The following STAP2 variants were observed in gnomAD, a reference collection of about 807,000 sequenced individuals.
The protein encoded by STAP2 is signal transducing adaptor family member 2.
In STAP2, 58 loss-of-function variants were observed where a neutral mutation model predicts 52.7. The observed-to-expected ratio is 1.10, with a 90% confidence interval of 0.89 to 1.37. The LOEUF is 1.37. STAP2 is among the 40% of genes most tolerant of loss of function. The pLI is 0.00. For synonymous variants in STAP2, 231 were observed against 210.5 expected, an observed-to-expected ratio of 1.10 and a Z score of -0.84; for missense variants, 522 against 519.4, an observed-to-expected ratio of 1.00 and a Z score of -0.05.
Position 4,327,300 on chromosome 19 carries a change from C to G in STAP2, c.660+16G>C. ...CCCCACAAAGTCACTTCTAGGGACTCTGGCCCAACGCTCACCGGCTGTTCC... is the reference window on the plus strand; with the variant it reads ...CCCCACAAAGTCACTTCTAGGGACTGTGGCCCAACGCTCACCGGCTGTTCC... On this transcript the variant is annotated intron_variant, in intron 7 of 12. Transcript: ENST00000594605. 1 of 1,614,174 alleles carries G rather than the reference C, an allele frequency of 6.2e-7. No homozygotes were observed. The highest frequency in any genetic ancestry group is 1.3e-5 in the African/African-American group (1 of 75,048).
chr19:4,331,906 T>G (rs1264083955), intron 4 of STAP2, 116 bp downstream of exon 4: 2 of 1,087,488 alleles, frequency 1.8e-6, no homozygotes, highest in Non-Finnish European at 2.7e-6. Flanking sequence ...CACTCCAGCC[T>G]GGGCGACAGA....
In STAP2 at chr19:4,327,118, A is replaced by T; in HGVS notation, c.763+6T>A. ...GGGCCCCCGAACTCCCCGAAGGGGC[A>T]CCCACCTAGCACCTTCTCGTAGTCC... On this transcript the variant is annotated splice_donor_region_variant and intron_variant, in intron 8 of 12. Transcript: ENST00000594605. The T allele has an allele frequency of 6.2e-7, 1 of 1,614,090 alleles. No individual in the cohort carries two copies. The highest frequency in any genetic ancestry group is 8.5e-7 in the Non-Finnish European group (1 of 1,179,978).
Position 4,330,027 on chromosome 19 carries a change from C to G in STAP2, c.389G>C (p.Gly130Ala), listed in dbSNP as rs1301882455. The G allele has an allele frequency of 5.0e-6, 8 of 1,613,580 alleles. No homozygotes were observed. The South Asian group carries it at 8.8e-5, about 18-fold the overall frequency. Residue 130 changes from glycine (G) to alanine (A), a missense_variant, in exon 5 of 13, where the codon GGG becomes GCG. Coordinates refer to ENST00000594605, the MANE Select transcript of STAP2 (RefSeq NM_001013841.2). ...GACTTCAGACATCATGTATAGGTGC[C>G]CAGGAAGCAGGGTCAAGTCGGTCGG... is the stretch of plus-strand genomic sequence containing the variant. Reference protein sequence around the residue: ...RVPTDLTLLPGHLYMMSEVLA... With the variant: ...RVPTDLTLLPAHLYMMSEVLA...
chr19:4,328,660 G>C lies in STAP2; in HGVS notation c.590+15C>G, dbSNP rs1568385818. The C allele has an allele frequency of 4.4e-6, 6 of 1,363,224 alleles. No individual in the cohort carries two copies. Among genetic ancestry groups the C allele is most frequent in the African/African-American group, 1.5e-5 (1 of 67,452 alleles). 84.4% of individuals were successfully genotyped at this position (1,363,224 alleles called of 1,614,324 possible). ...CCCTCCTCCCACCCAGGGCTCTCCA[G>C]ACGCGCATGCGCACCCGTTGTGCAT... On this transcript the variant is annotated intron_variant, in intron 6 of 12. Coordinates refer to ENST00000594605, the MANE Select transcript of STAP2 (RefSeq NM_001013841.2).
Position 4,338,763 on chromosome 19 carries a change from A to T in STAP2, c.-10T>A. The T allele has an allele frequency of 1.2e-6, 2 of 1,608,394 alleles. No individual in the cohort carries two copies. The highest frequency in any genetic ancestry group is 1.7e-6 in the Non-Finnish European group (2 of 1,176,794). ...TCAGGGCAGAGGCCATGACGGAGCC[A>T]GGGTCTTCCGCCTGGCCTCTCCTTC... On this transcript the variant is annotated 5_prime_UTR_variant, in exon 1 of 13. Transcript: ENST00000594605.
At chr19:4,338,564 C>CAA in intron 1 of STAP2, 88 bp downstream of exon 1, 2 of 857,368 alleles carry the variant, frequency 2.3e-6, no homozygotes, top group East Asian at 4.9e-5. Flanking sequence ...CCCGCCCCCC[C>CAA]TTGGCGAGTG....
rs937141211 is a variant in STAP2 at position 4,335,716 on chromosome 19, G to A, written c.103-1672C>T. Among the ~76,000 whole-genome samples, 5 of 152,184 alleles carry A rather than the reference G, an allele frequency of 3.3e-5. No homozygotes were observed. The South Asian group carries it at 1.0e-3, about 31-fold the overall frequency. ...GTACCCACGATGTGCTGTTGGGCAA[G>A]TTATTTGAGCTGTCTTTGTCTGTTT... On this transcript the variant is annotated intron_variant, in intron 1 of 12. Coordinates refer to ENST00000594605, the MANE Select transcript of STAP2 (RefSeq NM_001013841.2).
intron 1 of STAP2, among the ~76,000 whole-genome samples, chr19:4,337,711 T>C (rs1972002087): frequency 6.6e-6 from 1 of 151,940 alleles, no homozygotes; most frequent in African/African-American, 2.4e-5. Context: ...GGTGTGGTGG[T>C]GCGTACCTGT....
At chr19:4,334,487 TCATCCATC>T (rs1287474531) in intron 1 of STAP2, among the ~76,000 whole-genome samples, 1 of 150,966 alleles carries the variant, frequency 6.6e-6, no homozygotes, top group Non-Finnish European at 1.5e-5. Flanking sequence ...ATTCACCCAT[TCATCCATC>T]CATCCATCTG....
chr19:4,330,202 G>C (rs1396223052), intron 4 of STAP2, 141 bp from the exon 5 acceptor site: 1 of 662,110 alleles, frequency 1.5e-6, no homozygotes, highest in Non-Finnish European at 2.7e-6. Flanking sequence ...GGCTTCGAGA[G>C]GGTTGCAGAG....
chr19:4,327,404 AG>A lies in STAP2; in HGVS notation c.591-20del, dbSNP rs763188541. The stretch of plus-strand genomic sequence containing the variant: ...GTGCGTCCTGCACCAGGAGAAAGCG[AG>A]TGAGTGGCTCAGCCCAGGCTCCCAC... On this transcript the variant is annotated intron_variant, in intron 6 of 12. Coordinates refer to ENST00000594605, the MANE Select transcript of STAP2 (RefSeq NM_001013841.2). 3.7e-6 allele frequency: 6 copies of A among 1,613,860 alleles called. No homozygotes were observed. The Admixed American group carries it at 5.0e-5, about 13-fold the overall frequency.
chr19:4,334,143 T>G, intron 1 of STAP2, 99 bp from the exon 2 acceptor site: 1 of 969,488 alleles, frequency 1.0e-6, no homozygotes, highest in Non-Finnish European at 1.5e-6. Context: ...GGTTGTGCTC[T>G]CTGCCCCACG....
At chr19:4,328,015 C>T (rs1568385433) in intron 6 of STAP2, among the ~76,000 whole-genome samples, 2 of 152,142 alleles carry the variant, frequency 1.3e-5, no homozygotes, top group South Asian at 2.1e-4. Flanking sequence ...TCATCCCCTC[C>T]AGTGGCCCAG....
chr19:4,328,630 T>TA, intron 6 of STAP2, 45 bp downstream of exon 6: 13 of 1,541,462 alleles, frequency 8.4e-6, no homozygotes, highest in Admixed American at 3.9e-5. Flanking sequence ...CCCACCCTCT[T>TA]CCCACCCTCC....
chr19:4,328,707 G>A lies in STAP2; in HGVS notation c.558C>T (p.Gly186=), dbSNP rs762439686. ...LLRPSGDGAD[G]VSVTTRQMHN... is the part of the protein sequence containing the mutation. The stretch of plus-strand genomic sequence containing the variant: ...GCATCTGCCGCGTGGTGACCGACAC[G>A]CCGTCGGCGCCGTCCCCGCTGGGCC... Residue 186 remains glycine (G), a synonymous_variant, in exon 6 of 13, where the codon GGC becomes GGT. Coordinates refer to ENST00000594605, the MANE Select transcript of STAP2 (RefSeq NM_001013841.2). The A allele has an allele frequency of 6.6e-7, 1 of 1,507,754 alleles. No individual in the cohort carries two copies. Among genetic ancestry groups the A allele is most frequent in the South Asian group, 1.1e-5 (1 of 88,534 alleles). The allele number at this position is 1,507,754 out of a possible 1,614,324, so 93.4% of individuals were successfully genotyped here. A position where few individuals can be genotyped will look rare whatever the true frequency, so the allele number is the denominator to read the frequency against.
At chr19:4,327,829 C>A (rs1377132105) in intron 6 of STAP2, among the ~76,000 whole-genome samples, 2 of 151,986 alleles carry the variant, frequency 1.3e-5, no homozygotes, top group Non-Finnish European at 2.9e-5. Context: ...CCTTCTACAT[C>A]GCCTTGCCCA....
At chr19:4,328,275 TC>T (rs1289878629) in intron 6 of STAP2, 5 of 47,892 alleles carry the variant, frequency 1.0e-4, no homozygotes, top group African/African-American at 4.1e-4. Flanking sequence ...GCCCCCATGC[TC>T]CCCTGCCTAG....
At chr19:4,326,001 C>T (rs375171095) in intron 9 of STAP2, among the ~76,000 whole-genome samples, 2 of 151,988 alleles carry the variant, frequency 1.3e-5, no homozygotes, top group African/African-American at 2.4e-5. Flanking sequence ...GTGGCATACA[C>T]GTGTACACTA....
chr19:4,335,168 ACTCATCCATCCATCC>A (rs928354176), intron 1 of STAP2, among the ~76,000 whole-genome samples: 3 of 138,742 alleles, frequency 2.2e-5, no homozygotes, highest in African/African-American at 8.3e-5. Context: ...CCATCCACCT[ACTCATCCATCCATCC>A]CTCATCCATC....
Sources: gnomAD v4.1 joint callset for allele counts (sites outside exome capture counted in the v4.1 genomes callset) on GRCh38, gnomAD v4.1.1 for gene constraint, MANE v1.5 for transcripts, NCBI Gene and HGNC (gene_info 2026-07-23, HGNC 2026-07-21) for gene names.